Variants in AOPEP observed in about 807,000 individuals in gnomAD.
The protein encoded by AOPEP is aminopeptidase O (putative).
A neutral mutation model predicts 98.1 loss-of-function variants in AOPEP; 77 were observed. The observed-to-expected ratio is 0.78, with a 90% confidence interval of 0.65 to 0.95. The LOEUF (loss-of-function observed/expected upper bound fraction) is 0.95. AOPEP is among the 40% of genes least tolerant of loss of function. AOPEP has a pLI of 0.00. For synonymous variants in AOPEP, 346 were observed against 365.3 expected (o/e 0.95, Z 0.60); for missense variants, 1,024 against 1,024.7 (o/e 1.00, Z 0.01).
intron 3 of AOPEP, among the ~76,000 whole-genome samples, chr9:94,773,667 A>T (rs1011821370): frequency 6.6e-6 from 1 of 152,242 alleles, no homozygotes; most frequent in African/African-American, 2.4e-5. Context: ...GAAAGATGGA[A>T]GGCAGTGCTA....
the AOPEP span, chr9:95,111,382 C>G: frequency 6.3e-7 from 1 of 1,597,262 alleles, no homozygotes. Flanking sequence ...AAGCCAAGCC[C>G]ACAACAGAGC....
chr9:94,888,474 A>T (rs1422646364), intron 5 of AOPEP, among the ~76,000 whole-genome samples: 3 of 152,214 alleles, frequency 2.0e-5, no homozygotes, highest in African/African-American at 4.8e-5. Flanking sequence ...GCAAATTCAC[A>T]TTGGTGTAAT....
chr9:95,072,390 G>A (rs1368331887), intron 14 of AOPEP, among the ~76,000 whole-genome samples: 2 of 152,216 alleles, frequency 1.3e-5, no homozygotes, highest in Admixed American at 6.5e-5. Context: ...TAGGGGCCAG[G>A]CTTATGTTTG....
At chr9:94,774,311 CAAAAAAAAA>C (rs34936539) in intron 3 of AOPEP, among the ~76,000 whole-genome samples, 4 of 67,820 alleles carry the variant, frequency 5.9e-5, no homozygotes, top group African/African-American at 1.8e-4. Flanking sequence ...GACTCCATCT[CAAAAAAAAA>C]AAAAAAAAAA....
chr9:95,110,393 T>C, the AOPEP span: 4 of 1,024,038 alleles, frequency 3.9e-6, no homozygotes, highest in Non-Finnish European at 4.7e-6. Flanking sequence ...CCGTACATCT[T>C]ATTACTGTTA....
chr9:94,731,790 CTTT>C (rs564831468), intron 1 of AOPEP, among the ~76,000 whole-genome samples: 2 of 86,274 alleles, frequency 2.3e-5, no homozygotes, highest in African/African-American at 5.2e-5. Flanking sequence ...TCTCTTTTGC[CTTT>C]TTTTTTTTTT....
In AOPEP at chr9:94,792,624, T is replaced by A. The variant is rs1231163331; in HGVS notation, c.965-141T>A. ...TCCCTGAGCCCTGAAATGTGCCCTT[T>A]CTGCTGACGTGACCGACCTCCAAGA... On this transcript the variant is annotated intron_variant, in intron 3 of 16. Transcript: ENST00000375315. 3 of 709,948 alleles carry A rather than the reference T, an allele frequency of 4.2e-6. No homozygotes were observed. In the East Asian group the frequency reaches 7.9e-5, roughly 19 times the overall value. The allele number at this position is 709,948 out of a possible 1,614,324, so 44.0% of individuals were successfully genotyped here. A position where few individuals can be genotyped will look rare whatever the true frequency, so the allele number is the denominator to read the frequency against.
At chr9:94,789,356 T>G (rs1407713675) in intron 3 of AOPEP, among the ~76,000 whole-genome samples, 1 of 152,222 alleles carries the variant, frequency 6.6e-6, no homozygotes, top group African/African-American at 2.4e-5. Flanking sequence ...TCTGAATTTT[T>G]AAAAAGGAAA....
At chr9:94,907,967 C>CT (rs956225038) in intron 5 of AOPEP, among the ~76,000 whole-genome samples, 3 of 152,180 alleles carry the variant, frequency 2.0e-5, no homozygotes, top group Non-Finnish European at 4.4e-5. Flanking sequence ...TCCTTTCCAA[C>CT]TTATGGAAAT....
chr9:95,129,643 C>A, the AOPEP span, among the ~76,000 whole-genome samples: 13 of 152,212 alleles, frequency 8.5e-5, no homozygotes, highest in Admixed American at 7.9e-4. Flanking sequence ...CTCCATCCTA[C>A]CAAAATCTGT....
chr9:94,938,182 T>C (rs1364626292), intron 7 of AOPEP, among the ~76,000 whole-genome samples: 1 of 152,192 alleles, frequency 6.6e-6, no homozygotes, highest in Non-Finnish European at 1.5e-5. Flanking sequence ...CAAAAACAAT[T>C]TCATATGGTC....
the AOPEP span, among the ~76,000 whole-genome samples, chr9:95,095,436 G>C: frequency 1.3e-5 from 2 of 152,204 alleles, no homozygotes; most frequent in Non-Finnish European, 2.9e-5. Flanking sequence ...CGTGCGTTTC[G>C]AGCTGGCAGC....
At chr9:95,039,684 A>G (rs1264214473) in intron 13 of AOPEP, among the ~76,000 whole-genome samples, 7 of 152,268 alleles carry the variant, frequency 4.6e-5, no homozygotes, top group Non-Finnish European at 1.0e-4. Context: ...CTGTATAAAC[A>G]GAAACAACTT....
intron 1 of AOPEP, among the ~76,000 whole-genome samples, chr9:94,752,206 C>A (rs1225276661): frequency 6.6e-6 from 1 of 152,090 alleles, no homozygotes; most frequent in Non-Finnish European, 1.5e-5. Context: ...ACTTCTTCAC[C>A]AAAAGGAATT....
intron 5 of AOPEP, among the ~76,000 whole-genome samples, chr9:94,878,111 A>G (rs1363300362): frequency 6.6e-6 from 1 of 151,948 alleles, no homozygotes; most frequent in East Asian, 1.9e-4. Flanking sequence ...AATGCCATCT[A>G]GTGATTATGG....
the AOPEP span, among the ~76,000 whole-genome samples, chr9:95,095,184 AT>A: frequency 6.6e-6 from 1 of 152,034 alleles, no homozygotes; most frequent in Non-Finnish European, 1.5e-5. Context: ...TTCTATTTTG[AT>A]TTTTTTCACC....
At chr9:94,832,964 C>T (rs1187781460) in intron 5 of AOPEP, among the ~76,000 whole-genome samples, 2 of 148,084 alleles carry the variant, frequency 1.4e-5, no homozygotes, top group Non-Finnish European at 3.0e-5. Flanking sequence ...GACAGAGTCT[C>T]GCTCTGTTGC....
rs141605207 is a variant in AOPEP, at chr9:94,726,969, C to T, written c.-136+218C>T. Among the ~76,000 whole-genome samples the T allele has an allele frequency of 9.0e-3, 1,374 of 152,350 alleles. 14 individuals carry two copies. Among genetic ancestry groups the T allele is most frequent in the Non-Finnish European group, 0.012 (783 of 68,036 alleles). The stretch of plus-strand genomic sequence containing the variant: ...TGGGCGGAGCGGTCACATCTTACCA[C>T]CTCAGCTGTAGAGGTGGCCACGGGC... On this transcript the variant is annotated intron_variant, in intron 1 of 16. Transcript: ENST00000375315.
intron 10 of AOPEP, among the ~76,000 whole-genome samples, chr9:94,974,803 C>A (rs1294917901): frequency 6.6e-6 from 1 of 152,180 alleles, no homozygotes; most frequent in East Asian, 1.9e-4. Context: ...CTGAGTTTAG[C>A]ACGGAAAGAA....
Sources: gnomAD v4.1 joint callset for allele counts (sites outside exome capture counted in the v4.1 genomes callset) on GRCh38, gnomAD v4.1.1 for gene constraint, MANE v1.5 for transcripts, NCBI Gene and HGNC (gene_info 2026-07-23, HGNC 2026-07-21) for gene names.